TSC2: variants seen among roughly 807,000 people sequenced by gnomAD.
The protein encoded by TSC2 is tuberin.
A neutral mutation model predicts 202.2 loss-of-function variants in TSC2; 29 were observed. The observed-to-expected ratio is 0.14, with a 90% confidence interval of 0.11 to 0.20. The LOEUF is 0.20. Among genes scored for constraint, TSC2 ranks in the 10% least tolerant of loss-of-function variants. TSC2 has a pLI of 1.00. For missense variants in TSC2, 2,429 were observed against 2,420.0 expected (o/e 1.00, Z -0.08); for synonymous variants, 1,349 against 1,044.0 (o/e 1.29, Z -5.63).
At chr16:2,067,050 C>T (rs888246344) in intron 16 of TSC2, among the ~76,000 whole-genome samples, 1 of 152,088 alleles carries the variant, frequency 6.6e-6, no homozygotes, top group African/African-American at 2.4e-5. Context: ...AATCAGTTTG[C>T]TCAAAAGCTC....
intron 10 of TSC2, 65 bp from the exon 11 acceptor site, chr16:2,060,605 T>A (rs1484535426): frequency 5.6e-6 from 9 of 1,611,932 alleles, no homozygotes; most frequent in Non-Finnish European, 7.6e-6. Flanking sequence ...CAAGGGTGAC[T>A]GGGAGGGCGT....
rs45474691 is a variant in TSC2 at position 2,088,089 on chromosome 16, T to G, written c.5110T>G (p.Ser1704Ala). The change falls in exon 40 of 42, where the codon TCT becomes GCT. Residue 1704 changes from serine to alanine, a missense_variant. Physicochemically the swap from Ser to Ala is moderately conservative, Grantham distance 99 (BLOSUM62 1). Transcript: ENST00000219476. ...GGACACCAGCGTGGCCAAGATCGTG[T>G]CTGACCGCAACCTGCCCTTCGTGGC... ...LVDTSVAKIV[S>A]DRNLPFVARQ... is the part of the protein sequence containing the mutation. The G allele has an allele frequency of 5.0e-6, 8 of 1,612,854 alleles. No individual in the cohort carries two copies. In the South Asian group the frequency reaches 8.8e-5, roughly 18 times the overall value.
At position 2,085,391 on chromosome 16, in the gene TSC2, A is replaced by T. The variant is rs1047186826; in HGVS notation, c.4662+69A>T. 5.8e-6 allele frequency: 9 copies of T among 1,540,830 alleles called. No homozygotes were observed. In the Admixed American group the frequency reaches 1.5e-4, roughly 26 times the overall value. On this transcript the variant is annotated intron_variant, in intron 36 of 41. Transcript: ENST00000219476. Reference sequence around the variant, plus strand: ...GGGCCTCAGCCTGCAGTGGGTAGGGAGTCTGGGCCCCCAACGCCCCACAGA... The same window carrying T: ...GGGCCTCAGCCTGCAGTGGGTAGGGTGTCTGGGCCCCCAACGCCCCACAGA...
In TSC2 at chr16:2,076,504, A is replaced by G. The variant is rs780057014; in HGVS notation, c.2756A>G (p.Asn919Ser). 9.3e-6 allele frequency: 15 copies of G among 1,613,328 alleles called. No individual in the cohort carries two copies. Among genetic ancestry groups the G allele is most frequent in the Admixed American group, 1.7e-5 (1 of 60,020 alleles). The stretch of plus-strand genomic sequence containing the variant: ...TCACTCTGCCAGGGCCTGCGGTCCA[A>G]TGTCCTCTTGTCTTTTGATGACACC... ...VPFITKGLRS[N>S]VLLSFDDTPE... Residue 919 changes from asparagine (N) to serine (S), a missense_variant, in exon 25 of 42, where the codon AAT becomes AGT. Coordinates refer to ENST00000219476, the MANE Select transcript of TSC2 (RefSeq NM_000548.5).
Position 2,084,403 on chromosome 16 carries a change from T to C in TSC2, c.4181T>C (p.Leu1394Pro). 1 of 1,612,144 alleles carries C rather than the reference T, an allele frequency of 6.2e-7. No homozygotes were observed. Among genetic ancestry groups the C allele is most frequent in the Non-Finnish European group, 8.5e-7 (1 of 1,179,790 alleles). The stretch of plus-strand genomic sequence containing the variant: ...AGCTCCTCTCCCGAGCTGCAGACTC[T>C]GCAGGACATCCTCGGGGACCCTGGG... ...KSSSSPELQTLQDILGDPGDK... is the reference protein window; with the variant it reads ...KSSSSPELQTPQDILGDPGDK... Residue 1394 changes from leucine to proline, a missense_variant, in exon 34 of 42, where the codon CTG (leucine) becomes CCG (proline). Transcript: ENST00000219476.
At chr16:2,082,619 G>A in intron 32 of TSC2, 115 bp downstream of exon 32, 1 of 1,225,056 alleles carries the variant, frequency 8.2e-7, no homozygotes, top group Non-Finnish European at 1.2e-6. Context: ...ATTGCCCTGG[G>A]GAGCAGGTCC....
At chr16:2,080,718 T>G (rs901438148) in intron 30 of TSC2, 2 of 301,570 alleles carry the variant, frequency 6.6e-6, no homozygotes, top group Non-Finnish European at 1.3e-5. Flanking sequence ...TCTCCTGACC[T>G]CGTGATCCGC....
chr16:2,067,483 G>A (rs936182638), intron 16 of TSC2, among the ~76,000 whole-genome samples: 1 of 151,068 alleles, frequency 6.6e-6, no homozygotes, highest in Non-Finnish European at 1.5e-5. Flanking sequence ...TTAAAAACCA[G>A]GCATCAGCCG....
chr16:2,085,102 G>T (rs1021437431), intron 35 of TSC2, 76 bp downstream of exon 35: 8 of 1,605,566 alleles, frequency 5.0e-6, no homozygotes, highest in Non-Finnish European at 6.8e-6. Context: ...CAGCTCTGCT[G>T]CTGGGAGCTC....
intron 22 of TSC2, 162 bp downstream of exon 22, chr16:2,074,551 C>G (rs2088986770): frequency 1.2e-6 from 1 of 865,326 alleles, no homozygotes; most frequent in Non-Finnish European, 1.8e-6. Flanking sequence ...CATGAGTGCT[C>G]TCCTTCCTGG....
chr16:2,054,773 G>C (rs564332924), intron 5 of TSC2: 1 of 433,830 alleles, frequency 2.3e-6, no homozygotes, highest in East Asian at 4.9e-5. Flanking sequence ...GAGCGTACTG[G>C]TCCCGTCTTC....
chr16:2,075,683 G>T, intron 22 of TSC2, 116 bp from the exon 23 acceptor site: 1 of 1,100,814 alleles, frequency 9.1e-7, no homozygotes, highest in Non-Finnish European at 1.3e-6. Flanking sequence ...CCGTGTGGCC[G>T]TGGCCTTCTC....
At chr16:2,076,680 A>T (rs1012688649) in intron 25 of TSC2, 95 bp downstream of exon 25, 3 of 1,286,472 alleles carry the variant, frequency 2.3e-6, no homozygotes, top group African/African-American at 2.9e-5. Flanking sequence ...CAGTGAGTGG[A>T]AATGGGTCCT....
intron 10 of TSC2, among the ~76,000 whole-genome samples, chr16:2,059,678 C>G (rs1423368969): frequency 6.6e-6 from 1 of 152,118 alleles, no homozygotes; most frequent in African/African-American, 2.4e-5. Context: ...GGCCACTACA[C>G]ACAGCTAATT....
At chr16:2,083,625 C>G (rs2090401298) in intron 32 of TSC2, 70 bp from the exon 33 acceptor site, 4 of 1,547,674 alleles carry the variant, frequency 2.6e-6, no homozygotes. Context: ...AAGGCTGGTT[C>G]TCGGAGGCCA....
rs756536921 is a variant in TSC2, at chr16:2,071,876, G to T, written c.2039G>T (p.Arg680Leu). 7 of 1,597,204 alleles carry T rather than the reference G, an allele frequency of 4.4e-6. No homozygotes were observed. The highest frequency in any genetic ancestry group is 6.0e-6 in the Non-Finnish European group (7 of 1,172,572). ...CCGGCGCCTGCAGGCCCCGCCGTGCGGCTGGGGTCCGTGCCCTACTCCCTG... is the reference window on the plus strand; with the variant it reads ...CCGGCGCCTGCAGGCCCCGCCGTGCTGCTGGGGTCCGTGCCCTACTCCCTG... ...PGPAPAGPAV[R>L]LGSVPYSLLF... Residue 680 changes from arginine (R) to leucine (L), a missense_variant, in exon 19 of 42, where the codon CGG (arginine) becomes CTG (leucine). Transcript: ENST00000219476.
At chr16:2,082,849 G>T in intron 32 of TSC2, 1 of 447,908 alleles carries the variant, frequency 2.2e-6, no homozygotes, top group South Asian at 2.0e-5. Context: ...CCCACCCCTG[G>T]GCCTGCACCG....
At chr16:2,087,713 C>A in intron 38 of TSC2, 150 bp from the exon 39 acceptor site, 12 of 1,013,618 alleles carry the variant, frequency 1.2e-5, no homozygotes, top group Non-Finnish European at 1.8e-5. Context: ...GGAGGCCAGA[C>A]AAACACAGCC....
chr16:2,062,841 C>T, intron 13 of TSC2, 131 bp from the exon 14 acceptor site: 4 of 1,083,472 alleles, frequency 3.7e-6, no homozygotes, highest in Non-Finnish European at 5.4e-6. Context: ...CCCTGGGAAG[C>T]AGAGCTCTGT....
Sources: gnomAD v4.1 joint callset for allele counts (sites outside exome capture counted in the v4.1 genomes callset) on GRCh38, gnomAD v4.1.1 for gene constraint, MANE v1.5 for transcripts, NCBI Gene and HGNC (gene_info 2026-07-23, HGNC 2026-07-21) for gene names.